Variants in ARHGAP33 observed in about 807,000 individuals in gnomAD.
ARHGAP33 encodes the protein rho GTPase-activating protein 33.
In ARHGAP33, 57 loss-of-function variants were observed where a neutral mutation model predicts 126.2. That is an observed-to-expected ratio of 0.45 (90% CI 0.36 to 0.56). ARHGAP33 has a LOEUF of 0.56. ARHGAP33 is among the 20% of genes least tolerant of loss of function. The pLI is 0.00. For synonymous variants in ARHGAP33, 711 were observed against 755.0 expected (o/e 0.94, Z 0.95); for missense variants, 1,500 against 1,748.3 (o/e 0.86, Z 2.53).
intron 5 of ARHGAP33, 129 bp from the exon 6 acceptor site, chr19:35,778,903 C>T (rs1971596602): frequency 2.4e-6 from 2 of 826,740 alleles, no homozygotes; most frequent in Non-Finnish European, 3.9e-6. Flanking sequence ...TATCTCAGTA[C>T]CTAACAGCTG....
At position 35,788,098 on chromosome 19, in the gene ARHGAP33, G is replaced by T; in HGVS notation, c.3533G>T (p.Gly1178Val). 1 of 1,611,642 alleles carries T rather than the reference G, an allele frequency of 6.2e-7. No individual in the cohort carries two copies. The highest frequency in any genetic ancestry group is 2.2e-5 in the East Asian group (1 of 44,776). Residue 1178 changes from glycine (G) to valine (V), a missense_variant, in exon 21 of 21, where the codon GGT (glycine) becomes GTT (valine). This residue lies in a region of ARHGAP33 where 642 missense variants were observed against 634.0 expected (regional missense o/e 1.01). Transcript: ENST00000007510. ...LYVNLALGPR[G>V]PSPASSSSSS... ...GTCAACCTAGCTCTAGGGCCCAGGG[G>T]TCCCTCACCTGCCTCTTCCTCCTCC... is the stretch of plus-strand genomic sequence containing the variant.
In ARHGAP33 at chr19:35,788,260, T is replaced by C. The variant is rs1261008891; in HGVS notation, c.3695T>C (p.Leu1232Pro). The stretch of plus-strand genomic sequence containing the variant: ...GGTCCCTGGGGCCCTCCTGAGCCTC[T>C]CCTGCTCTACAGGGCAGCCCCGCCA... ...VPGPWGPPEPLLLYRAAPPAY... is the reference protein window; with the variant it reads ...VPGPWGPPEPPLLYRAAPPAY... Residue 1232 changes from leucine (L) to proline (P), a missense_variant, in exon 21 of 21, where the codon CTC (leucine) becomes CCC (proline). Leu to Pro is a moderately conservative substitution (Grantham distance 98). Transcript: ENST00000007510. 6.2e-7 allele frequency: 1 copy of C among 1,607,686 alleles called. No individual in the cohort carries two copies. The highest frequency in any genetic ancestry group is 8.5e-7 in the Non-Finnish European group (1 of 1,178,304).
Position 35,786,820 on chromosome 19 carries a change from C to A in ARHGAP33, c.2350C>A (p.Pro784Thr). The change falls in exon 20 of 21, where the codon CCC becomes ACC. Residue 784 changes from proline to threonine, a missense_variant. Around this residue, in one of 6 missense-constraint regions of ARHGAP33, gnomAD observed 73 missense variants for 110.8 expected, o/e 0.66. Coordinates refer to ENST00000007510, the MANE Select transcript of ARHGAP33 (RefSeq NM_001366178.1). This position sits in a 1 kb window ranked among gnomAD's most constrained non-coding sequence, Gnocchi z 7.0. The part of the protein sequence containing the change: ...VTPQAISPRG[P>T]TSPASPAALD... ...CCCCCAGGCCATCTCGCCCCGGGGG[C>A]CCACCAGCCCCGCCTCGCCTGCTGC... 1 of 1,540,690 alleles carries A rather than the reference C, an allele frequency of 6.5e-7. No homozygotes were observed. The highest frequency in any genetic ancestry group is 8.7e-7 in the Non-Finnish European group (1 of 1,147,108).
Position 35,782,550 on chromosome 19 carries a change from C to A in ARHGAP33, c.1230+33C>A. 6.2e-7 allele frequency: 1 copy of A among 1,613,350 alleles called. No homozygotes were observed. ...AGGGAGCTGGCGGGACGGAGGGGGC[C>A]GGGACGCCTCTGGCCCAGACCTCAT... On this transcript the variant is annotated intron_variant, in intron 13 of 20. Coordinates refer to ENST00000007510, the MANE Select transcript of ARHGAP33 (RefSeq NM_001366178.1). This position sits in a 1 kb window ranked among gnomAD's most constrained non-coding sequence, Gnocchi z 4.1.
chr19:35,779,987 T>C, intron 6 of ARHGAP33: 5 of 661,532 alleles, frequency 7.6e-6, no homozygotes, highest in South Asian at 1.5e-5. Flanking sequence ...TCCTGGGACA[T>C]GTGAGGGGAA....
Position 35,786,292 on chromosome 19 carries a change from T to C in ARHGAP33, c.1943-121T>C. 7.0e-7 allele frequency: 1 copy of C among 1,436,110 alleles called. No homozygotes were observed. The highest frequency in any genetic ancestry group is 9.1e-7 in the Non-Finnish European group (1 of 1,099,326). The allele number at this position is 1,436,110 out of a possible 1,614,324, so 89.0% of individuals were successfully genotyped here. On this transcript the variant is annotated intron_variant, in intron 19 of 20. Transcript: ENST00000007510. The surrounding 1 kb of genome is among the most constrained non-coding windows in gnomAD (Gnocchi z 7.0). ...TCTCCACTGTCAATCTGAACAGCTCTTCCTGGCTTCACACTACTGTGGCCC... is the reference window on the plus strand; with the variant it reads ...TCTCCACTGTCAATCTGAACAGCTCCTCCTGGCTTCACACTACTGTGGCCC...
Position 35,787,855 on chromosome 19 carries a change from A to C in ARHGAP33, c.3290A>C (p.Tyr1097Ser), listed in dbSNP as rs1477023860. The C allele has an allele frequency of 5.6e-6, 9 of 1,606,356 alleles. No homozygotes were observed. The highest frequency in any genetic ancestry group is 3.4e-5 in the Admixed American group (2 of 58,602). ...YEIGASEGSPYSGPTRSWSPF... is the reference protein window; with the variant it reads ...YEIGASEGSPSSGPTRSWSPF... ...ATCGGGGCAAGTGAGGGGTCCCCCT[A>C]TTCTGGCCCCACCCGCTCCTGGAGT... Residue 1097 changes from tyrosine (Y) to serine (S), a missense_variant, in exon 21 of 21, where the codon TAT becomes TCT. This residue lies in a region of ARHGAP33 where 642 missense variants were observed against 634.0 expected (regional missense o/e 1.01). Transcript: ENST00000007510.
chr19:35,782,762 G>A lies in ARHGAP33; in HGVS notation c.1314G>A (p.Arg438=), dbSNP rs1046547389. 1 of 1,612,946 alleles carries A rather than the reference G, an allele frequency of 6.2e-7. No individual in the cohort carries two copies. The highest frequency in any genetic ancestry group is 2.2e-5 in the East Asian group (1 of 44,832). The part of the protein sequence containing the change: ...VIQQLPPPHY[R]TLEYLLRHLA... ...GTGCCCCCTCTGCTCCCACCCCCAGGACCCTGGAGTACCTGCTGAGGCACC... is the reference window on the plus strand; with the variant it reads ...GTGCCCCCTCTGCTCCCACCCCCAGAACCCTGGAGTACCTGCTGAGGCACC... Residue 438 remains arginine, a splice_region_variant and synonymous_variant, in exon 15 of 21, where the codon AGG becomes AGA. Transcript: ENST00000007510. The surrounding 1 kb of genome is among the most constrained non-coding windows in gnomAD (Gnocchi z 4.1).
chr19:35,788,581 A>C lies in ARHGAP33; in HGVS notation c.*152A>C. 6.2e-6 allele frequency: 4 copies of C among 649,624 alleles called. No homozygotes were observed. Among genetic ancestry groups the C allele is most frequent in the South Asian group, 2.2e-5 (1 of 45,054 alleles). 40.2% of individuals were successfully genotyped at this position (649,624 alleles called of 1,614,324 possible). ...TTCTGATGTGGGTCCCTAACCTATAATCTCAGCTTCCCTACCCTGGACTGA... is the reference window on the plus strand; with the variant it reads ...TTCTGATGTGGGTCCCTAACCTATACTCTCAGCTTCCCTACCCTGGACTGA... On this transcript the variant is annotated 3_prime_UTR_variant, in exon 21 of 21. Transcript: ENST00000007510.
At chr19:35,780,362 T>G in intron 7 of ARHGAP33, 29 bp downstream of exon 7, 5 of 1,612,762 alleles carry the variant, frequency 3.1e-6, no homozygotes, top group Non-Finnish European at 3.4e-6. Context: ...AGATTCCAGC[T>G]GGGCTCCCCA....
Position 35,787,054 on chromosome 19 carries a change from G to A in ARHGAP33, c.2584G>A (p.Gly862Arg), listed in dbSNP as rs1163659499. 1 of 1,605,590 alleles carries A rather than the reference G, an allele frequency of 6.2e-7. No individual in the cohort carries two copies. Among genetic ancestry groups the A allele is most frequent in the Non-Finnish European group, 8.5e-7 (1 of 1,175,554 alleles). The change falls in exon 20 of 21, where the codon GGA becomes AGA. Residue 862 changes from glycine (G) to arginine (R), a missense_variant. Around this residue, in one of 6 missense-constraint regions of ARHGAP33, gnomAD observed 642 missense variants for 634.0 expected, o/e 1.01. Coordinates refer to ENST00000007510, the MANE Select transcript of ARHGAP33 (RefSeq NM_001366178.1). ...GCAGGAGATGTGCAGCAAGCTCCGG[G>A]GAGCCCAGGGCCCACTCGGTGAGTC... is the stretch of plus-strand genomic sequence containing the variant. ...CQQEMCSKLR[G>R]AQGPLGPDME...
Position 35,783,007 on chromosome 19 carries a change from A to G in ARHGAP33, c.1421+138A>G, listed in dbSNP as rs1599788641. On this transcript the variant is annotated intron_variant, in intron 15 of 20. Coordinates refer to ENST00000007510, the MANE Select transcript of ARHGAP33 (RefSeq NM_001366178.1). ...CCATGGACCTGGCCCCGTCCCTAGC[A>G]CTGGGGACCCAGCACTGAGCATGGC... The G allele has an allele frequency of 7.0e-6, 5 of 717,734 alleles. No homozygotes were observed. The South Asian group carries it at 8.9e-5, about 13-fold the overall frequency. The allele number at this position is 717,734 out of a possible 1,614,324, so 44.5% of individuals were successfully genotyped here.
chr19:35,788,211 C>A lies in ARHGAP33; in HGVS notation c.3646C>A (p.Pro1216Thr). The change falls in exon 21 of 21, where the codon CCC becomes ACC. Residue 1216 changes from proline (P) to threonine (T), a missense_variant. By Grantham distance (38) the Pro-to-Thr change is conservative. Transcript: ENST00000007510. Reference protein sequence around the residue: ...LPQKQRAPWGPRTPHRVPGPW... With the variant: ...LPQKQRAPWGTRTPHRVPGPW... ...CCAGAAACAACGGGCACCCTGGGGACCCCGTACCCCTCATAGGGTGCCGGG... is the reference window on the plus strand; with the variant it reads ...CCAGAAACAACGGGCACCCTGGGGAACCCGTACCCCTCATAGGGTGCCGGG... The A allele has an allele frequency of 6.2e-7, 1 of 1,608,784 alleles. No individual in the cohort carries two copies.
chr19:35,780,977 G>A lies in ARHGAP33; in HGVS notation c.887G>A (p.Arg296His), dbSNP rs539159889. ...AGLLRTFMRS[R>H]PSRQRLRQRG... is the part of the protein sequence containing the mutation. ...CTGCTCCGCACCTTCATGCGCTCCCGCCCTTCTCGGCAGCGGCTGCGGCAG... is the reference window on the plus strand; with the variant it reads ...CTGCTCCGCACCTTCATGCGCTCCCACCCTTCTCGGCAGCGGCTGCGGCAG... Residue 296 changes from arginine to histidine, a missense_variant, in exon 11 of 21, where the codon CGC (arginine) becomes CAC (histidine). Around this residue, in one of 6 missense-constraint regions of ARHGAP33, gnomAD observed 281 missense variants for 413.7 expected, o/e 0.68. Coordinates refer to ENST00000007510, the MANE Select transcript of ARHGAP33 (RefSeq NM_001366178.1). The A allele has an allele frequency of 3.7e-6, 6 of 1,610,646 alleles. No individual in the cohort carries two copies. The highest frequency in any genetic ancestry group is 2.2e-5 in the East Asian group (1 of 44,864).
chr19:35,788,359 G>A lies in ARHGAP33; in HGVS notation c.3794G>A (p.Gly1265Asp). ...GGAGGGCAAAGAGGGGAGGGGGCTG[G>A]TCCCCCACCCCCTTACCCCACTCCC... Reference protein sequence around the residue: ...RNGGQRGEGAGPPPPYPTPSW... With the variant: ...RNGGQRGEGADPPPPYPTPSW... Residue 1265 changes from glycine to aspartate, a missense_variant, in exon 21 of 21, where the codon GGT (glycine) becomes GAT (aspartate). This residue lies in a region of ARHGAP33 where 642 missense variants were observed against 634.0 expected (regional missense o/e 1.01). Coordinates refer to ENST00000007510, the MANE Select transcript of ARHGAP33 (RefSeq NM_001366178.1). 1 of 1,600,878 alleles carries A rather than the reference G, an allele frequency of 6.2e-7. No homozygotes were observed. The highest frequency in any genetic ancestry group is 1.1e-5 in the South Asian group (1 of 89,486).
Position 35,786,134 on chromosome 19 carries a change from C to T in ARHGAP33, c.1943-279C>T. ...CCTCACACTCCTGGGGTACTGCCCT[C>T]CCACATACCCAGGAGCCCAGGTGCT... On this transcript the variant is annotated intron_variant, in intron 19 of 20. Transcript: ENST00000007510. The surrounding 1 kb of genome is among the most constrained non-coding windows in gnomAD (Gnocchi z 7.0). 1.5e-6 allele frequency: 2 copies of T among 1,336,254 alleles called. No homozygotes were observed. The highest frequency in any genetic ancestry group is 4.1e-5 in the South Asian group (2 of 49,210). The allele number at this position is 1,336,254 out of a possible 1,614,324, so 82.8% of individuals were successfully genotyped here. A position where few individuals can be genotyped will look rare whatever the true frequency, so the allele number is the denominator to read the frequency against.
intron 9 of ARHGAP33, 32 bp downstream of exon 9, chr19:35,780,680 G>GAGGGGTGGGA (rs1971712372): frequency 1.9e-6 from 3 of 1,605,978 alleles, no homozygotes; most frequent in South Asian, 2.2e-5. Context: ...GAGGTGTGGG[G>GAGGGGTGGGA]AGGGGTGGGA....
chr19:35,785,655 G>C lies in ARHGAP33; in HGVS notation c.1942+172G>C. ...TGAGTTGGATACAGTATCACCTTTG[G>C]TTCATCACACACTGAACTTAACTTA... On this transcript the variant is annotated intron_variant, in intron 19 of 20. Coordinates refer to ENST00000007510, the MANE Select transcript of ARHGAP33 (RefSeq NM_001366178.1). The C allele has an allele frequency of 2.8e-6, 4 of 1,437,516 alleles. No individual in the cohort carries two copies. The South Asian group carries it at 5.9e-5, about 21-fold the overall frequency. The allele number at this position is 1,437,516 out of a possible 1,614,324, so 89.0% of individuals were successfully genotyped here. A position where few individuals can be genotyped will look rare whatever the true frequency, so the allele number is the denominator to read the frequency against.
intron 6 of ARHGAP33, 121 bp from the exon 7 acceptor site, chr19:35,780,090 C>G: frequency 2.9e-6 from 4 of 1,382,082 alleles, no homozygotes; most frequent in Non-Finnish European, 4.0e-6. Context: ...ACCAATAGCT[C>G]TGAGTGACAG....
Sources: allele counts gnomAD v4.1 joint callset, GRCh38; gene constraint gnomAD v4.1.1; regional missense constraint gnomAD v4.1.1; non-coding constraint Gnocchi (gnomAD v3.1); transcripts MANE v1.5; gene names NCBI Gene and HGNC (gene_info 2026-07-23, HGNC 2026-07-21).